Variants in NKAIN3 observed in about 807,000 individuals in gnomAD.
NKAIN3 encodes sodium/potassium transporting ATPase interacting 3, also known as sodium/potassium-transporting ATPase subunit beta-1-interacting protein 3.
A neutral mutation model predicts 30.2 loss-of-function variants in NKAIN3; 25 were observed. That is an observed-to-expected ratio of 0.83 (90% confidence interval 0.60 to 1.16). NKAIN3 has a LOEUF of 1.16. NKAIN3 is among the 50% of genes most tolerant of loss of function. The pLI, the probability that NKAIN3 is intolerant of heterozygous loss-of-function variation, is 0.00. For synonymous variants in NKAIN3, 91 were observed against 89.6 expected (o/e 1.02, Z -0.09); for missense variants, 225 against 254.1 (o/e 0.89, Z 0.78).
intron 3 of NKAIN3, among the ~76,000 whole-genome samples, chr8:62,663,197 G>A (rs12549995): frequency 0.2 from 31,174 of 152,122 alleles, 3,313 homozygotes; most frequent in East Asian, 0.34. Context: ...AGATATGAAG[G>A]CTTTGGATAT....
intron 1 of NKAIN3, among the ~76,000 whole-genome samples, chr8:62,365,157 A>G (rs1816698724): frequency 6.6e-6 from 1 of 152,188 alleles, no homozygotes; most frequent in South Asian, 2.1e-4. Context: ...GCTTAACTTC[A>G]AAAGATTTTG....
At chr8:62,688,530 G>A (rs541345715) in intron 3 of NKAIN3, among the ~76,000 whole-genome samples, 76 of 152,074 alleles carry the variant, frequency 5.0e-4, no homozygotes, top group African/African-American at 1.8e-3. Flanking sequence ...TCCAAATCCT[G>A]GAATAAACCC....
intron 4 of NKAIN3, among the ~76,000 whole-genome samples, chr8:62,757,332 A>C (rs148004767): frequency 1.3e-5 from 2 of 152,208 alleles, no homozygotes; most frequent in Non-Finnish European, 2.9e-5. Flanking sequence ...ACCAATTTGT[A>C]TAAATTTCAT....
At chr8:62,474,841 T>A (rs1341313299) in intron 1 of NKAIN3, among the ~76,000 whole-genome samples, 1 of 152,066 alleles carries the variant, frequency 6.6e-6, no homozygotes, top group African/African-American at 2.4e-5. Flanking sequence ...AGAACCCCAA[T>A]AATGGCAAAT....
At chr8:62,667,359 C>A (rs58920762) in intron 3 of NKAIN3, among the ~76,000 whole-genome samples, 11,781 of 63,952 alleles carry the variant, frequency 0.18, 1,953 homozygotes, top group African/African-American at 0.55. Context: ...ATATATATAT[C>A]TGTATATATA....
intron 5 of NKAIN3, among the ~76,000 whole-genome samples, chr8:62,941,661 TCA>T (rs1396381539): frequency 1.3e-5 from 2 of 151,910 alleles, no homozygotes; most frequent in Admixed American, 6.6e-5. Context: ...AAAACACAAA[TCA>T]CATGATCGTA....
intron 4 of NKAIN3, among the ~76,000 whole-genome samples, chr8:62,773,372 T>C (rs1020268994): frequency 4.6e-5 from 7 of 152,202 alleles, no homozygotes. Flanking sequence ...ACTGTAGATG[T>C]ATAGATTTAA....
At chr8:62,595,775 G>A (rs1810810241) in intron 3 of NKAIN3, among the ~76,000 whole-genome samples, 2 of 151,962 alleles carry the variant, frequency 1.3e-5, no homozygotes, top group African/African-American at 4.8e-5. Context: ...TAGGGGTTGT[G>A]CAGTTGAGAT....
intron 1 of NKAIN3, among the ~76,000 whole-genome samples, chr8:62,284,641 A>G (rs1287062035): frequency 6.6e-6 from 1 of 152,070 alleles, no homozygotes; most frequent in Non-Finnish European, 1.5e-5. Context: ...AAATAAATAA[A>G]TAAATAAATA....
chr8:62,567,671 C>A (rs1809799801), intron 1 of NKAIN3, among the ~76,000 whole-genome samples: 1 of 151,898 alleles, frequency 6.6e-6, no homozygotes, highest in East Asian at 1.9e-4. Flanking sequence ...GAGGGCCACC[C>A]ATCAAGAGAT....
intron 1 of NKAIN3, among the ~76,000 whole-genome samples, chr8:62,456,856 A>G (rs1805840005): frequency 6.6e-6 from 1 of 152,252 alleles, no homozygotes; most frequent in African/African-American, 2.4e-5. Context: ...AGCCTTCGTT[A>G]GAACGATTCC....
rs141917655 is a variant in NKAIN3, at chr8:62,582,334, C to G, written c.192+2658C>G. Among the ~76,000 whole-genome samples, 305 of 152,272 alleles carry G rather than the reference C, an allele frequency of 2.0e-3. 1 individual carries two copies. The highest frequency in any genetic ancestry group is 3.1e-3 in the Non-Finnish European group (214 of 68,034). On this transcript the variant is annotated intron_variant, in intron 2 of 6. Coordinates refer to ENST00000623646, the MANE Select transcript of NKAIN3 (RefSeq NM_001304533.3). ...AAAAACAGACAGACACATTCTCTGT[C>G]TTCCTGGGTGCTTACCTTACAGTGC...
chr8:62,913,375 A>G (rs531715247), intron 4 of NKAIN3, among the ~76,000 whole-genome samples: 21 of 152,336 alleles, frequency 1.4e-4, no homozygotes, highest in Admixed American at 4.6e-4. Flanking sequence ...AACAGCTACA[A>G]TGTCAATAGG....
At chr8:62,831,762 T>G (rs1308915995) in intron 4 of NKAIN3, among the ~76,000 whole-genome samples, 1 of 152,136 alleles carries the variant, frequency 6.6e-6, no homozygotes, top group Non-Finnish European at 1.5e-5. Flanking sequence ...TTAGAATTCC[T>G]GAGAGAGGAG....
chr8:62,473,349 A>T (rs1453659643), intron 1 of NKAIN3: 1 of 152,230 alleles, frequency 6.6e-6, no homozygotes, highest in African/African-American at 2.4e-5. Context: ...TGGCAGCAAT[A>T]GAAAAATCTT....
In NKAIN3 at chr8:62,321,858, TCAGA is replaced by T. The variant is rs1563932976; in HGVS notation, c.54+72735_54+72738del. On this transcript the variant is annotated intron_variant, in intron 1 of 6. Transcript: ENST00000623646. Reference sequence around the variant, plus strand: ...AGAACCACTACTCTCTTCAAAGCTGTCAGACAGGGACATTTAAGTCTGCAGAGAT... The same window carrying T: ...AGAACCACTACTCTCTTCAAAGCTGTCAGGGACATTTAAGTCTGCAGAGAT... 2.0e-5 allele frequency among the ~76,000 whole-genome samples: 3 copies of T among 152,172 alleles called. No individual in the cohort carries two copies. The South Asian group carries it at 6.2e-4, about 32-fold the overall frequency.
intron 1 of NKAIN3, among the ~76,000 whole-genome samples, chr8:62,544,574 A>T (rs1324680768): frequency 6.6e-6 from 1 of 152,190 alleles, no homozygotes; most frequent in Non-Finnish European, 1.5e-5. Flanking sequence ...AAAACTATAG[A>T]TAACACAGAT....
At position 62,357,144 on chromosome 8, in the gene NKAIN3, A is replaced by T. The variant is rs138468940; in HGVS notation, c.54+108017A>T. On this transcript the variant is annotated intron_variant, in intron 1 of 6. Coordinates refer to ENST00000623646, the MANE Select transcript of NKAIN3 (RefSeq NM_001304533.3). ...AAACAAACAAAAAAGGCATTCCAGGACCAGGTGCAGTGGCTCACACCTATA... is the reference window on the plus strand; with the variant it reads ...AAACAAACAAAAAAGGCATTCCAGGTCCAGGTGCAGTGGCTCACACCTATA... Among the ~76,000 whole-genome samples, 270 of 151,980 alleles carry T rather than the reference A, an allele frequency of 1.8e-3. 3 individuals carry two copies. The highest frequency in any genetic ancestry group is 0.01 in the Middle Eastern group (3 of 294).
intron 1 of NKAIN3, among the ~76,000 whole-genome samples, chr8:62,329,297 A>G (rs1180166523): frequency 6.6e-6 from 1 of 152,108 alleles, no homozygotes; most frequent in Admixed American, 6.6e-5. Flanking sequence ...CTATACAGCA[A>G]TCATTAATTA....
Sources: gnomAD v4.1 joint callset for allele counts (sites outside exome capture counted in the v4.1 genomes callset) on GRCh38, gnomAD v4.1.1 for gene constraint, MANE v1.5 for transcripts, NCBI Gene and HGNC (gene_info 2026-07-23, HGNC 2026-07-21) for gene names.